Variants in C2CD2 observed in about 807,000 individuals in gnomAD.
C2CD2 encodes the protein C2 domain-containing protein 2.
A neutral mutation model predicts 74.3 loss-of-function variants in C2CD2; 43 were observed. The ratio of observed to expected loss-of-function variants is 0.58; its 90% CI spans 0.45 to 0.75. The LOEUF (loss-of-function observed/expected upper bound fraction) is 0.75. Ranked by LOEUF, C2CD2 falls within the 30% of genes least tolerant of loss-of-function variation. The probability of loss-of-function intolerance (pLI) is 0.00; values close to 1 mark genes in which losing one functional copy is unlikely to be tolerated. For missense variants in C2CD2, 801 were observed against 916.3 expected (o/e 0.87, Z 1.63); for synonymous variants, 422 against 390.7 (o/e 1.08, Z -0.94).
chr21:41,912,433 A>C lies in C2CD2; in HGVS notation c.852T>G (p.Ile284Met), dbSNP rs766109118. The C allele has an allele frequency of 2.5e-6, 4 of 1,594,144 alleles. No individual in the cohort carries two copies. The African/African-American group carries it at 5.4e-5, about 22-fold the overall frequency. ...TCAGCTGCACGACGCACACTGCATT[A>C]ATGTGGCCTGTAATTAAATAGAAGG... is the stretch of plus-strand genomic sequence containing the variant. ...LLSEPGASGH[I>M]NAVCVVQLND... is the part of the protein sequence containing the mutation. Residue 284 changes from isoleucine (I) to methionine (M), a missense_variant, in exon 7 of 14, where the codon ATT becomes ATG. Transcript: ENST00000380486.
chr21:41,896,165 C>T (rs946703431), intron 13 of C2CD2, among the ~76,000 whole-genome samples: 7 of 152,164 alleles, frequency 4.6e-5, no homozygotes, highest in East Asian at 1.9e-4. Context: ...ACTCCTAGGA[C>T]GTCTACGTGT....
intron 2 of C2CD2, among the ~76,000 whole-genome samples, chr21:41,925,675 GT>G (rs1266697595): frequency 6.6e-6 from 1 of 152,228 alleles, no homozygotes; most frequent in Non-Finnish European, 1.5e-5. Context: ...GTATTAAGGT[GT>G]TATCCACAAT....
In C2CD2 at chr21:41,912,447, T is replaced by A. The variant is rs778810212; in HGVS notation, c.845-7A>T. 2 of 1,545,722 alleles carry A rather than the reference T, an allele frequency of 1.3e-6. No homozygotes were observed. Among genetic ancestry groups the A allele is most frequent in the Middle Eastern group, 2.1e-4 (1 of 4,740 alleles). On this transcript the variant is annotated splice_region_variant and splice_polypyrimidine_tract_variant and intron_variant, in intron 6 of 13. Coordinates refer to ENST00000380486, the MANE Select transcript of C2CD2 (RefSeq NM_015500.2). ...CACACTGCATTAATGTGGCCTGTAA[T>A]TAAATAGAAGGGCATCGTGTTGGCG... is the stretch of plus-strand genomic sequence containing the variant.
chr21:41,902,278 T>C (rs138494558), intron 11 of C2CD2, among the ~76,000 whole-genome samples: 158 of 152,298 alleles, frequency 1.0e-3, no homozygotes, highest in African/African-American at 3.8e-3. Flanking sequence ...AGTGCCTAAA[T>C]ACATAGAATA....
At chr21:41,907,900 C>T (rs573758560) in intron 8 of C2CD2, 116 bp from the exon 9 acceptor site, 16 of 1,018,548 alleles carry the variant, frequency 1.6e-5, no homozygotes, top group Non-Finnish European at 1.5e-5. Flanking sequence ...ATCCAGCCCA[C>T]GGGGAAGTGC....
chr21:41,953,635 C>T lies in C2CD2; in HGVS notation c.14G>A (p.Arg5Gln), dbSNP rs1470159088. The change falls in exon 1 of 14, where the codon CGG (arginine) becomes CAG (glutamine). Residue 5 changes from arginine (R) to glutamine (Q), a missense_variant. Transcript: ENST00000380486. ...CGCCTCCCCGAGCCACGAGCCCAGC[C>T]GGGCCATGGCCATGGCGCATCCCCG... MAMA[R>Q]LGSWLGEAQW... 3 of 1,477,762 alleles carry T rather than the reference C, an allele frequency of 2.0e-6. No homozygotes were observed. Among genetic ancestry groups the T allele is most frequent in the Non-Finnish European group, 2.7e-6 (3 of 1,123,604 alleles). The allele number at this position is 1,477,762 out of a possible 1,614,324, so 91.5% of individuals were successfully genotyped here.
At chr21:41,940,094 AT>A (rs1189544606) in intron 2 of C2CD2, among the ~76,000 whole-genome samples, 2 of 152,360 alleles carry the variant, frequency 1.3e-5, no homozygotes, top group African/African-American at 2.4e-5. Flanking sequence ...TAGTAAAAAA[AT>A]AATACAAATA....
chr21:41,926,547 A>G lies in C2CD2; in HGVS notation c.379-4462T>C, dbSNP rs974524903. The G allele has an allele frequency of 3.7e-6, 3 of 802,696 alleles. No individual in the cohort carries two copies. Among genetic ancestry groups the G allele is most frequent in the African/African-American group, 1.9e-5 (1 of 53,614 alleles). The allele number at this position is 802,696 out of a possible 1,614,324, so 49.7% of individuals were successfully genotyped here. A position where few individuals can be genotyped will look rare whatever the true frequency, so the allele number is the denominator to read the frequency against. The stretch of plus-strand genomic sequence containing the variant: ...TCTCGGTGCTCTCTCCAGCCTCAAC[A>G]CCTTGACCTCATGTAGTCACATACC... On this transcript the variant is annotated intron_variant, in intron 2 of 13. Coordinates refer to ENST00000380486, the MANE Select transcript of C2CD2 (RefSeq NM_015500.2). The surrounding 1 kb of genome is among the most constrained non-coding windows in gnomAD (Gnocchi z 8.0).
intron 2 of C2CD2, among the ~76,000 whole-genome samples, chr21:41,935,390 T>G (rs548619560): frequency 6.6e-6 from 1 of 152,328 alleles, no homozygotes; most frequent in African/African-American, 2.4e-5. Context: ...TATTCTTCTG[T>G]GTCTTTCAAG....
chr21:41,932,618 C>T (rs879809096), intron 2 of C2CD2, among the ~76,000 whole-genome samples: 4 of 150,432 alleles, frequency 2.7e-5, no homozygotes, highest in Non-Finnish European at 4.5e-5. Context: ...AACTGATAAT[C>T]GGTGTGAGAA....
intron 1 of C2CD2, among the ~76,000 whole-genome samples, chr21:41,944,377 C>T (rs1200778737): frequency 6.6e-6 from 1 of 151,898 alleles, no homozygotes; most frequent in Non-Finnish European, 1.5e-5. Context: ...AAAAAATTAG[C>T]CAGGCGTGGT....
rs188341521 is a variant in C2CD2 at position 41,912,368 on chromosome 21, T to C, written c.917A>G (p.Asn306Ser). 6.2e-7 allele frequency: 1 copy of C among 1,612,320 alleles called. No homozygotes were observed. The highest frequency in any genetic ancestry group is 8.5e-7 in the Non-Finnish European group (1 of 1,179,664). ...CTCTTCCCACATGAGGTCCGGAGTG[T>C]TTTTCGTCAGGGTGCTGGAGAACCT... is the stretch of plus-strand genomic sequence containing the variant. ...VQRFSSTLTK[N>S]TPDLMWEEEF... The change falls in exon 7 of 14, where the codon AAC becomes AGC. Residue 306 changes from asparagine (N) to serine (S), a missense_variant. By Grantham distance (46) the Asn-to-Ser change is conservative. Transcript: ENST00000380486.
chr21:41,907,741 C>G lies in C2CD2; in HGVS notation c.1062G>C (p.Lys354Asn). ...TATVPLDLFK[K>N]QPSGPQSFTL... ...TGAAGCTCTGTGGCCCAGAAGGCTG[C>G]TTCTTAAATAAGTCCAGAGGAACTG... Residue 354 changes from lysine to asparagine, a missense_variant, in exon 9 of 14, where the codon AAG becomes AAC. By Grantham distance (94) the Lys-to-Asn change is moderately conservative (BLOSUM62 0). Transcript: ENST00000380486. 6.2e-7 allele frequency: 1 copy of G among 1,613,762 alleles called. No individual in the cohort carries two copies. The highest frequency in any genetic ancestry group is 1.1e-5 in the South Asian group (1 of 91,072).
intron 8 of C2CD2, chr21:41,908,079 GA>G (rs1423899661): frequency 7.5e-6 from 3 of 401,264 alleles, no homozygotes; most frequent in Non-Finnish European, 1.4e-5. Context: ...GTCGTCCAGT[GA>G]CAAAAACTGG....
At chr21:41,911,388 C>CTT (rs58934224) in intron 7 of C2CD2, among the ~76,000 whole-genome samples, 47 of 116,750 alleles carry the variant, frequency 4.0e-4, no homozygotes, top group South Asian at 1.7e-3. Context: ...TATCTCGATT[C>CTT]TTTTTTTTTT....
At position 41,923,394 on chromosome 21, in the gene C2CD2, T is replaced by C. The variant is rs1170986057; in HGVS notation, c.379-1309A>G. ...CACATTCATACACAGTCAAAGCCATTAGCCAAGTTCTTTTGCTAAAAATGA... is the reference window on the plus strand; with the variant it reads ...CACATTCATACACAGTCAAAGCCATCAGCCAAGTTCTTTTGCTAAAAATGA... On this transcript the variant is annotated intron_variant, in intron 2 of 13. Coordinates refer to ENST00000380486, the MANE Select transcript of C2CD2 (RefSeq NM_015500.2). The surrounding 1 kb of genome is among the most constrained non-coding windows in gnomAD (Gnocchi z 5.8). 6.6e-6 allele frequency among the ~76,000 whole-genome samples: 1 copy of C among 152,178 alleles called. No individual in the cohort carries two copies. The highest frequency in any genetic ancestry group is 2.4e-5 in the African/African-American group (1 of 41,440).
At position 41,954,006 on chromosome 21, in the gene C2CD2, C is replaced by G. The variant is rs897852574; in HGVS notation, c.-358G>C. On this transcript the variant is annotated 5_prime_UTR_variant, in exon 1 of 14. Coordinates refer to ENST00000380486, the MANE Select transcript of C2CD2 (RefSeq NM_015500.2). ...GTCCCGCCCGCGGCCCAGCGGTGGC[C>G]GGAGGAGGCTCTGGCCGCGGGGCGG... 2.0e-5 allele frequency: 3 copies of G among 146,944 alleles called. No individual in the cohort carries two copies. The highest frequency in any genetic ancestry group is 6.8e-5 in the Admixed American group (1 of 14,808). The allele number at this position is 146,944 out of a possible 1,614,324, so 9.1% of individuals were successfully genotyped here.
At chr21:41,934,960 T>G (rs1280103958) in intron 2 of C2CD2, among the ~76,000 whole-genome samples, 1 of 152,136 alleles carries the variant, frequency 6.6e-6, no homozygotes, top group African/African-American at 2.4e-5. Context: ...GGCACCATCT[T>G]GGCTCACTGC....
At chr21:41,948,642 C>A (rs79302420) in intron 1 of C2CD2, among the ~76,000 whole-genome samples, 1 of 152,230 alleles carries the variant, frequency 6.6e-6, no homozygotes, top group African/African-American at 2.4e-5. Context: ...GAGGGAAGGG[C>A]AGCTCCATGG....
Sources: gnomAD v4.1 joint callset for allele counts (sites outside exome capture counted in the v4.1 genomes callset) on GRCh38, gnomAD v4.1.1 for gene constraint, Gnocchi (gnomAD v3.1) non-coding constraint, MANE v1.5 for transcripts, NCBI Gene and HGNC (gene_info 2026-07-23, HGNC 2026-07-21) for gene names.